The following HMCN2 variants were observed in gnomAD, a reference collection of about 807,000 sequenced individuals.
HMCN2 encodes hemicentin 2.
HMCN2 carries 325 observed loss-of-function variants against 377.5 expected under a neutral mutation model. That is an observed-to-expected ratio of 0.86 (90% CI 0.79 to 0.94). The LOEUF (loss-of-function observed/expected upper bound fraction) is 0.94, where lower values mean the gene tolerates loss of function less well. Ranked by LOEUF, HMCN2 falls within the 40% of genes least tolerant of loss-of-function variation. HMCN2 has a pLI of 0.00. For synonymous variants in HMCN2, 2,007 were observed against 2,046.8 expected, an observed-to-expected ratio of 0.98 and a Z score of 0.53; for missense variants, 4,543 against 4,725.3, an observed-to-expected ratio of 0.96 and a Z score of 1.13.
chr9:130,277,823 T>C lies in HMCN2; in HGVS notation c.260-6780T>C, dbSNP rs374989720. On this transcript the variant is annotated intron_variant, in intron 1 of 97. Transcript: ENST00000683500. The stretch of plus-strand genomic sequence containing the variant: ...ATCACCACCACCACCATCATCATCA[T>C]CACCACCACCATCATCATCATCACC... Among the ~76,000 whole-genome samples the C allele has an allele frequency of 1.6e-3, 49 of 30,412 alleles. 3 individuals carry two copies. The highest frequency in any genetic ancestry group is 5.8e-3 in the Admixed American group (17 of 2,906). The allele number at this position is 30,412 out of a possible 152,430, so 20.0% of individuals were successfully genotyped here. A position where few individuals can be genotyped will look rare whatever the true frequency, so the allele number is the denominator to read the frequency against.
intron 85 of HMCN2, among the ~76,000 whole-genome samples, chr9:130,413,607 G>A (rs961019243): frequency 6.6e-6 from 1 of 152,158 alleles, no homozygotes; most frequent in Non-Finnish European, 1.5e-5. Context: ...ATAGACTACC[G>A]ATCTTGGGAC....
In HMCN2 at chr9:130,278,010, CATCATCACCACCACCACG is replaced by C. The variant is rs1414492647; in HGVS notation, c.260-6576_260-6559del. Among the ~76,000 whole-genome samples, 3 of 45,872 alleles carry C rather than the reference CATCATCACCACCACCACG, an allele frequency of 6.5e-5. 1 individual carries two copies. The highest frequency in any genetic ancestry group is 2.0e-3 in the East Asian group (2 of 992). 30.1% of individuals were successfully genotyped at this position (45,872 alleles called of 152,430 possible). A position where few individuals can be genotyped will look rare whatever the true frequency, so the allele number is the denominator to read the frequency against. ...CCACGATCATCACCACCACCACCATCATCATCACCACCACCACGATCATCACCACCACCATCATCATTA... is the reference window on the plus strand; with the variant it reads ...CCACGATCATCACCACCACCACCATCATCATCACCACCACCATCATCATTA... On this transcript the variant is annotated intron_variant, in intron 1 of 97. Coordinates refer to ENST00000683500, the MANE Select transcript of HMCN2 (RefSeq NM_001291815.2).
chr9:130,350,682 C>T (rs1564805024), intron 29 of HMCN2, among the ~76,000 whole-genome samples: 1 of 151,562 alleles, frequency 6.6e-6, no homozygotes, highest in Admixed American at 6.6e-5. Flanking sequence ...GTCAGGAGAT[C>T]GAGACCATCC....
chr9:130,427,682 A>C, intron 92 of HMCN2, 63 bp downstream of exon 92: 1 of 1,493,908 alleles, frequency 6.7e-7, no homozygotes, highest in Non-Finnish European at 8.9e-7. Flanking sequence ...GGTGTGCAGA[A>C]GGGTCCCCAG....
rs1554924123 is a variant in HMCN2, at chr9:130,278,122, TTGG to T, written c.260-6479_260-6477del. 1.8e-3 allele frequency among the ~76,000 whole-genome samples: 266 copies of T among 151,956 alleles called. 5 individuals carry two copies. The highest frequency in any genetic ancestry group is 6.0e-3 in the African/African-American group (249 of 41,332). On this transcript the variant is annotated intron_variant, in intron 1 of 97. Transcript: ENST00000683500. ...CATCATTGTTTTTTTGTTTGTTTGG[TTGG>T]TTGGTTGGTTTTTTTTTGAGACGCA... is the stretch of plus-strand genomic sequence containing the variant.
chr9:130,321,333 G>A (rs1157537546), intron 18 of HMCN2, among the ~76,000 whole-genome samples: 2 of 152,172 alleles, frequency 1.3e-5, no homozygotes, highest in African/African-American at 4.8e-5. Context: ...ACCAGTTCAC[G>A]TCCATTTGAT....
chr9:130,266,243 C>G lies in HMCN2; in HGVS notation c.259+106C>G, dbSNP rs147629245. The G allele has an allele frequency of 9.4e-3, 3,352 of 356,680 alleles. 27 individuals carry two copies. The highest frequency in any genetic ancestry group is 0.013 in the Non-Finnish European group (2,286 of 182,456). The allele number at this position is 356,680 out of a possible 1,614,324, so 22.1% of individuals were successfully genotyped here. ...CGCACCTGGACGTCGTGGGCTGCGCCGCGGCTTGGCGGGCGCGCCTTCTCG... is the reference window on the plus strand; with the variant it reads ...CGCACCTGGACGTCGTGGGCTGCGCGGCGGCTTGGCGGGCGCGCCTTCTCG... On this transcript the variant is annotated intron_variant, in intron 1 of 97. Transcript: ENST00000683500.
Position 130,395,333 on chromosome 9 carries a change from G to A in HMCN2, c.10897G>A (p.Gly3633Ser), listed in dbSNP as rs568063936. 8.5e-5 allele frequency: 110 copies of A among 1,288,664 alleles called. 1 individual carries two copies. In the East Asian group the frequency reaches 2.4e-3, roughly 28 times the overall value. The allele number at this position is 1,288,664 out of a possible 1,614,324, so 79.8% of individuals were successfully genotyped here. Residue 3633 changes from glycine to serine, a missense_variant, in exon 71 of 98, where the codon GGC (glycine) becomes AGC (serine). Coordinates refer to ENST00000683500, the MANE Select transcript of HMCN2 (RefSeq NM_001291815.2). ...GCCCAAGATCACGTGGCACCGAGACGGCATTGTGCTGCAGGTGGGCGCCAG... is the reference window on the plus strand; with the variant it reads ...GCCCAAGATCACGTGGCACCGAGACAGCATTGTGCTGCAGGTGGGCGCCAG... ...PAPKITWHRD[G>S]IVLQEDAHTQ...
intron 74 of HMCN2, among the ~76,000 whole-genome samples, chr9:130,397,914 G>A (rs1842682994): frequency 6.6e-6 from 1 of 151,992 alleles, no homozygotes; most frequent in African/African-American, 2.4e-5. Flanking sequence ...CTGAGAGGCC[G>A]AGGCAGGAGG....
At chr9:130,335,713 C>T (rs975309325) in intron 22 of HMCN2, among the ~76,000 whole-genome samples, 3 of 152,166 alleles carry the variant, frequency 2.0e-5, no homozygotes, top group Admixed American at 6.5e-5. Flanking sequence ...AGGGAGATGG[C>T]GTCCTTGGCT....
At chr9:130,292,916 T>A (rs1539268) in intron 4 of HMCN2, among the ~76,000 whole-genome samples, 41,356 of 152,060 alleles carry the variant, frequency 0.27, 5,968 homozygotes, top group East Asian at 0.48. Context: ...GTGATCATTG[T>A]TATTGAAACT....
At position 130,396,289 on chromosome 9, in the gene HMCN2, TC is replaced by T; in HGVS notation, c.11179del (p.Leu3727TrpfsTer16). On this transcript the variant is annotated frameshift_variant, in exon 73 of 98. Transcript: ENST00000683500. LOFTEE classifies it high-confidence loss of function. Reference protein sequence around the residue: ...APLVSWRKDRVPLDPRSPRFE... With the variant: ...APLVSWRKDRXPLDPRSPRFE... ...CTCGTGAGCTGGCGGAAGGACAGGG[TC>T]CCCCTGGATCCCAGGAGCCCCAGGT... 7.9e-7 allele frequency: 1 copy of T among 1,273,536 alleles called. No individual in the cohort carries two copies. The allele number at this position is 1,273,536 out of a possible 1,614,324, so 78.9% of individuals were successfully genotyped here. A position where few individuals can be genotyped will look rare whatever the true frequency, so the allele number is the denominator to read the frequency against.
At chr9:130,302,196 C>T (rs945076047) in intron 8 of HMCN2, among the ~76,000 whole-genome samples, 2 of 151,996 alleles carry the variant, frequency 1.3e-5, no homozygotes, top group South Asian at 2.1e-4. Flanking sequence ...TACAGGAACG[C>T]GACACCACGC....
Position 130,392,135 on chromosome 9 carries a change from A to G in HMCN2, c.10136+17A>G. 9.1e-6 allele frequency: 9 copies of G among 988,002 alleles called. No individual in the cohort carries two copies. The highest frequency in any genetic ancestry group is 1.1e-5 in the Non-Finnish European group (9 of 830,082). 61.2% of individuals were successfully genotyped at this position (988,002 alleles called of 1,614,324 possible). A position where few individuals can be genotyped will look rare whatever the true frequency, so the allele number is the denominator to read the frequency against. On this transcript the variant is annotated intron_variant, in intron 66 of 97. Coordinates refer to ENST00000683500, the MANE Select transcript of HMCN2 (RefSeq NM_001291815.2). ...CACCCTCAGGTAGGGGAGACGGTGGACAGGCCTTGGCTATTCCACTCAGAG... is the reference window on the plus strand; with the variant it reads ...CACCCTCAGGTAGGGGAGACGGTGGGCAGGCCTTGGCTATTCCACTCAGAG...
intron 85 of HMCN2, among the ~76,000 whole-genome samples, chr9:130,416,240 G>A (rs1588427448): frequency 6.6e-6 from 1 of 152,008 alleles, no homozygotes; most frequent in East Asian, 1.9e-4. Context: ...AAATAGCTGG[G>A]ATTACAGGCA....
intron 81 of HMCN2, among the ~76,000 whole-genome samples, chr9:130,405,287 G>A (rs111750014): frequency 2.0e-5 from 3 of 152,346 alleles, no homozygotes; most frequent in African/African-American, 7.2e-5. Flanking sequence ...CCAGCTCCTG[G>A]GGAAGGGAGG....
intron 15 of HMCN2, among the ~76,000 whole-genome samples, chr9:130,312,149 G>A (rs1431244134): frequency 2.6e-5 from 4 of 152,190 alleles, no homozygotes; most frequent in Admixed American, 6.5e-5. Context: ...CACAGCTGGC[G>A]AGTGGCAGAG....
intron 22 of HMCN2, among the ~76,000 whole-genome samples, chr9:130,330,917 CAGG>C (rs1388740759): frequency 6.6e-6 from 1 of 150,840 alleles, no homozygotes; most frequent in Non-Finnish European, 1.5e-5. Context: ...ATCACGAGGT[CAGG>C]AGATCAAGAT....
intron 1 of HMCN2, among the ~76,000 whole-genome samples, chr9:130,266,514 C>T (rs1253294758): frequency 6.6e-6 from 1 of 152,242 alleles, no homozygotes; most frequent in Admixed American, 6.5e-5. Flanking sequence ...GGACTTGGGA[C>T]GCTACGAGCC....
Sources: gnomAD v4.1 joint callset for allele counts (sites outside exome capture counted in the v4.1 genomes callset) on GRCh38, gnomAD v4.1.1 for gene constraint, MANE v1.5 for transcripts, NCBI Gene and HGNC (gene_info 2026-07-23, HGNC 2026-07-21) for gene names.